Variants in ADGRG6 observed in about 807,000 individuals in gnomAD.
ADGRG6 encodes G-protein coupled receptor 126.
ADGRG6 carries 84 observed loss-of-function variants against 142.4 expected under a neutral mutation model. The ratio of observed to expected loss-of-function variants is 0.59; its 90% confidence interval spans 0.49 to 0.71. The LOEUF is 0.71. Among genes scored for constraint, ADGRG6 ranks in the 30% least tolerant of loss-of-function variants. The pLI is 0.00. For synonymous variants in ADGRG6, 521 were observed against 520.5 expected (o/e 1.00, Z -0.01); for missense variants, 1,367 against 1,466.6 (o/e 0.93, Z 1.11).
intron 2 of ADGRG6, among the ~76,000 whole-genome samples, chr6:142,317,439 G>T (rs1446154553): frequency 6.6e-6 from 1 of 151,678 alleles, no homozygotes; most frequent in Non-Finnish European, 1.5e-5. Flanking sequence ...AGCAGGGTGT[G>T]TCTAGCTTAT....
intron 3 of ADGRG6, 40 bp from the exon 4 acceptor site, chr6:142,370,130 A>C (rs1781163582): frequency 1.9e-6 from 3 of 1,539,890 alleles, no homozygotes. Flanking sequence ...CTGTGTTCTG[A>C]AGTTAACAGG....
At chr6:142,344,602 G>GT (rs1211495399) in intron 2 of ADGRG6, among the ~76,000 whole-genome samples, 4 of 151,856 alleles carry the variant, frequency 2.6e-5, no homozygotes, top group Non-Finnish European at 4.4e-5. Flanking sequence ...ATTAAATGAT[G>GT]TTTTTTCTTA....
At chr6:142,394,470 A>G (rs906930282) in intron 9 of ADGRG6, among the ~76,000 whole-genome samples, 7 of 152,194 alleles carry the variant, frequency 4.6e-5, no homozygotes, top group African/African-American at 1.7e-4. Context: ...TTGGCATGTA[A>G]GGACCAAATG....
In ADGRG6 at chr6:142,356,942, C is replaced by G. The variant is rs576147118; in HGVS notation, c.104-10627C>G. 6.6e-5 allele frequency among the ~76,000 whole-genome samples: 10 copies of G among 152,216 alleles called. No individual in the cohort carries two copies. In the South Asian group the frequency reaches 2.1e-3, roughly 32 times the overall value. ...ATTTTTATTATTTTTATTTCCCTCC[C>G]TCTCCAGATGTTATTGTGTTTCACA... On this transcript the variant is annotated intron_variant, in intron 2 of 24. Transcript: ENST00000367609.
intron 1 of ADGRG6, among the ~76,000 whole-genome samples, chr6:142,307,434 A>G (rs1174506559): frequency 6.6e-6 from 1 of 151,924 alleles, no homozygotes; most frequent in Non-Finnish European, 1.5e-5. Flanking sequence ...TTTTGTTTTA[A>G]AAGCATACTC....
chr6:142,423,247 A>G (rs1776752313), intron 22 of ADGRG6, among the ~76,000 whole-genome samples: 2 of 142,436 alleles, frequency 1.4e-5, no homozygotes, highest in Non-Finnish European at 1.5e-5. Context: ...GCCCATGCCT[A>G]TGTCCTGAAT....
intron 17 of ADGRG6, among the ~76,000 whole-genome samples, chr6:142,410,633 T>C (rs1209647628): frequency 6.6e-6 from 1 of 152,134 alleles, no homozygotes; most frequent in African/African-American, 2.4e-5. Context: ...ACTTCTTTTT[T>C]TGATAGTTCT....
Position 142,374,026 on chromosome 6 carries a change from A to G in ADGRG6, c.1069+3233A>G, listed in dbSNP as rs183285591. On this transcript the variant is annotated intron_variant, in intron 4 of 24. Coordinates refer to ENST00000367609, the MANE Select transcript of ADGRG6 (RefSeq NM_198569.3). Reference sequence around the variant, plus strand: ...CCCTTGTTCTTATAAATAAAGTTTAATTGGAACACAGCCATGCCCATTAGT... The same window carrying G: ...CCCTTGTTCTTATAAATAAAGTTTAGTTGGAACACAGCCATGCCCATTAGT... Among the ~76,000 whole-genome samples, 16 of 151,640 alleles carry G rather than the reference A, an allele frequency of 1.1e-4. No homozygotes were observed. In the East Asian group the frequency reaches 3.1e-3, roughly 29 times the overall value.
rs542073541 is a variant in ADGRG6, at chr6:142,405,150, T to C, written c.2128-538T>C. The stretch of plus-strand genomic sequence containing the variant: ...CTCTTTTGGGTAATTCTTTTTCACA[T>C]TTTAAGAGTAAAACTCAGTCAACCT... On this transcript the variant is annotated intron_variant, in intron 14 of 24. Coordinates refer to ENST00000367609, the MANE Select transcript of ADGRG6 (RefSeq NM_198569.3). 2.2e-4 allele frequency among the ~76,000 whole-genome samples: 34 copies of C among 152,318 alleles called. 1 individual carries two copies. In the South Asian group the frequency reaches 7.0e-3, roughly 32 times the overall value.
rs2114864631 is a variant in ADGRG6, at chr6:142,370,052, GC to G, written c.446-117del. Reference sequence around the variant, plus strand: ...AGATGAGTAAGAGGGGAGGGATGGGGCAAATGGTAGGTAAAAAGTTAACTAG... The same window carrying G: ...AGATGAGTAAGAGGGGAGGGATGGGGAAATGGTAGGTAAAAAGTTAACTAG... On this transcript the variant is annotated intron_variant, in intron 3 of 24. Transcript: ENST00000367609. 3 of 719,766 alleles carry G rather than the reference GC, an allele frequency of 4.2e-6. No homozygotes were observed. In the South Asian group the frequency reaches 6.6e-5, roughly 16 times the overall value. 44.6% of individuals were successfully genotyped at this position (719,766 alleles called of 1,614,324 possible).
In ADGRG6 at chr6:142,313,442, T is replaced by C. The variant is rs79716141; in HGVS notation, c.103+3798T>C. ...AATACATTTCTAAGCAACCAGGAGCTTGTTTCCACACAGATCGTCTTAGTC... is the reference window on the plus strand; with the variant it reads ...AATACATTTCTAAGCAACCAGGAGCCTGTTTCCACACAGATCGTCTTAGTC... On this transcript the variant is annotated intron_variant, in intron 2 of 24. Coordinates refer to ENST00000367609, the MANE Select transcript of ADGRG6 (RefSeq NM_198569.3). 6.9e-3 allele frequency among the ~76,000 whole-genome samples: 1,043 copies of C among 152,198 alleles called. 8 individuals carry two copies. Among genetic ancestry groups the C allele is most frequent in the African/African-American group, 0.024 (987 of 41,536 alleles).
intron 22 of ADGRG6, among the ~76,000 whole-genome samples, chr6:142,421,341 G>A (rs999703848): frequency 4.6e-5 from 7 of 152,130 alleles, no homozygotes; most frequent in Admixed American, 1.3e-4. Context: ...CAGGTTCATT[G>A]TCTTATAACA....
Position 142,443,598 on chromosome 6 carries a change from TATTACCTAGGTAACTGC to T in ADGRG6, c.*86_*102del. The T allele has an allele frequency of 1.2e-6, 1 of 848,842 alleles. No homozygotes were observed. Among genetic ancestry groups the T allele is most frequent in the South Asian group, 1.8e-5 (1 of 56,716 alleles). The allele number at this position is 848,842 out of a possible 1,614,324, so 52.6% of individuals were successfully genotyped here. A position where few individuals can be genotyped will look rare whatever the true frequency, so the allele number is the denominator to read the frequency against. On this transcript the variant is annotated 3_prime_UTR_variant, in exon 25 of 25. Coordinates refer to ENST00000367609, the MANE Select transcript of ADGRG6 (RefSeq NM_198569.3). ...ACTGCAACTAGTGATGTAAATGTGC[TATTACCTAGGTAACTGC>T]ATATATATAAGGAATGTATTTTGTT...
Position 142,338,013 on chromosome 6 carries a change from C to CTTTTTTTTTTTTTTTTTTTTTTT in ADGRG6, c.103+28372_103+28373insTTTTTTTTTTTTTTTTTTTTTTT, listed in dbSNP as rs1779405902. On this transcript the variant is annotated intron_variant, in intron 2 of 24. Coordinates refer to ENST00000367609, the MANE Select transcript of ADGRG6 (RefSeq NM_198569.3). ...ACTAAATCCTTTTTATGCCTTGTAT[C>CTTTTTTTTTTTTTTTTTTTTTTT]TTTGTTTTTTTTTTTTTTTTTTTTT... 1.9e-4 allele frequency among the ~76,000 whole-genome samples: 5 copies of CTTTTTTTTTTTTTTTTTTTTTTT among 26,078 alleles called. 1 individual carries two copies. The highest frequency in any genetic ancestry group is 2.7e-4 in the Non-Finnish European group (4 of 14,596). The allele number at this position is 26,078 out of a possible 152,430, so 17.1% of individuals were successfully genotyped here.
At chr6:142,418,764 T>C (rs1776507050) in intron 21 of ADGRG6, among the ~76,000 whole-genome samples, 1 of 152,140 alleles carries the variant, frequency 6.6e-6, no homozygotes, top group South Asian at 2.1e-4. Context: ...ACATGGAAGA[T>C]ATGGCCCAGA....
chr6:142,368,937 T>C (rs1367883832), intron 3 of ADGRG6, among the ~76,000 whole-genome samples: 1 of 152,108 alleles, frequency 6.6e-6, no homozygotes, highest in East Asian at 1.9e-4. Context: ...ATTTTAACAA[T>C]GCATGTAGAA....
rs77223021 is a variant in ADGRG6 at position 142,442,039 on chromosome 6, A to G, written c.3575-1298A>G. Among the ~76,000 whole-genome samples the G allele has an allele frequency of 6.1e-3, 926 of 152,298 alleles. 17 individuals carry two copies. Among genetic ancestry groups the G allele is most frequent in the African/African-American group, 0.021 (879 of 41,566 alleles). ...CTTCAACACAAGATAATAGTTGAGCAATTTGAATAGTTTCCAAAGACAACA... is the reference window on the plus strand; with the variant it reads ...CTTCAACACAAGATAATAGTTGAGCGATTTGAATAGTTTCCAAAGACAACA... On this transcript the variant is annotated intron_variant, in intron 24 of 24. Transcript: ENST00000367609.
chr6:142,302,338 C>T lies in ADGRG6; in HGVS notation c.2+7C>T, dbSNP rs773234545. 1.2e-6 allele frequency: 2 copies of T among 1,612,722 alleles called. No individual in the cohort carries two copies. The highest frequency in any genetic ancestry group is 1.7e-5 in the Admixed American group (1 of 59,866). On this transcript the variant is annotated splice_region_variant and intron_variant, in intron 1 of 24. Coordinates refer to ENST00000367609, the MANE Select transcript of ADGRG6 (RefSeq NM_198569.3). Reference sequence around the variant, plus strand: ...GGCGCAGTAATGTCAACATGTAAGTCTCACCTTTCAGCTTGGAATTCCTTC... The same window carrying T: ...GGCGCAGTAATGTCAACATGTAAGTTTCACCTTTCAGCTTGGAATTCCTTC...
intron 2 of ADGRG6, among the ~76,000 whole-genome samples, chr6:142,329,414 T>G (rs889113387): frequency 1.3e-5 from 2 of 152,156 alleles, no homozygotes; most frequent in Non-Finnish European, 2.9e-5. Context: ...TGCCAAAATA[T>G]TTGAAGGTTA....
Sources: gnomAD v4.1 joint callset for allele counts (sites outside exome capture counted in the v4.1 genomes callset) on GRCh38, gnomAD v4.1.1 for gene constraint, MANE v1.5 for transcripts, NCBI Gene and HGNC (gene_info 2026-07-23, HGNC 2026-07-21) for gene names.